The following ST3GAL3 variants were observed in gnomAD, a reference collection of about 807,000 sequenced individuals.
ST3GAL3 encodes ST3 beta-galactoside alpha-2,3-sialyltransferase 3.
A neutral mutation model predicts 50.1 loss-of-function variants in ST3GAL3; 21 were observed. The ratio of observed to expected loss-of-function variants is 0.42; its 90% confidence interval spans 0.30 to 0.60. The LOEUF (loss-of-function observed/expected upper bound fraction) is 0.60. ST3GAL3 is among the 20% of genes least tolerant of loss of function. The probability of loss-of-function intolerance (pLI) is 0.19; values close to 1 mark genes in which losing one functional copy is unlikely to be tolerated. For missense variants in ST3GAL3, 353 were observed against 489.4 expected, an observed-to-expected ratio of 0.72 and a Z score of 2.63; for synonymous variants, 183 against 190.0, an observed-to-expected ratio of 0.96 and a Z score of 0.30.
At chr1:43,756,186 T>G (rs1468243895) in intron 2 of ST3GAL3, among the ~76,000 whole-genome samples, 1 of 147,868 alleles carries the variant, frequency 6.8e-6, no homozygotes. Context: ...ACATAATAGA[T>G]AAATATCAAA....
intron 5 of ST3GAL3, chr1:43,850,650 T>C: frequency 1.4e-6 from 1 of 740,598 alleles, no homozygotes; most frequent in Non-Finnish European, 2.5e-6. Flanking sequence ...ATCTGTGCCT[T>C]TGATTGAATG....
intron 2 of ST3GAL3, chr1:43,771,980 A>G (rs1250245966): frequency 2.5e-6 from 1 of 397,260 alleles, no homozygotes; most frequent in Non-Finnish European, 4.4e-6. Context: ...AATAAGGGGG[A>G]ATATGAGAAG....
At chr1:43,784,181 T>C (rs1296218976) in intron 2 of ST3GAL3, among the ~76,000 whole-genome samples, 1 of 152,136 alleles carries the variant, frequency 6.6e-6, no homozygotes, top group Non-Finnish European at 1.5e-5. Context: ...CCTCCATATC[T>C]TCCCAGTTTC....
At chr1:43,790,203 T>C (rs1438212179) in intron 2 of ST3GAL3, among the ~76,000 whole-genome samples, 1 of 152,222 alleles carries the variant, frequency 6.6e-6, no homozygotes, top group African/African-American at 2.4e-5. Context: ...CAGCAAATAT[T>C]GAGTGCCAGG....
At chr1:43,859,413 G>A (rs1447049633) in intron 5 of ST3GAL3, among the ~76,000 whole-genome samples, 1 of 152,084 alleles carries the variant, frequency 6.6e-6, no homozygotes, top group African/African-American at 2.4e-5. Context: ...TACAAAATTA[G>A]CCTGGTGTGG....
At chr1:43,717,500 ATTT>A (rs200100476) in intron 1 of ST3GAL3, among the ~76,000 whole-genome samples, 1 of 141,982 alleles carries the variant, frequency 7.0e-6, no homozygotes. Flanking sequence ...TTCTTTTCTA[ATTT>A]TTTTTTTTTT....
At chr1:43,866,322 T>TA (rs2071314480) in intron 5 of ST3GAL3, among the ~76,000 whole-genome samples, 1 of 152,158 alleles carries the variant, frequency 6.6e-6, no homozygotes, top group African/African-American at 2.4e-5. Flanking sequence ...CTCACACCTG[T>TA]AATCCCTGCA....
Position 43,920,243 on chromosome 1 carries a change from T to C in ST3GAL3, c.745-161T>C, listed in dbSNP as rs972852109. 15 of 784,866 alleles carry C rather than the reference T, an allele frequency of 1.9e-5. No individual in the cohort carries two copies. The East Asian group carries it at 3.8e-4, about 20-fold the overall frequency. 48.6% of individuals were successfully genotyped at this position (784,866 alleles called of 1,614,324 possible). On this transcript the variant is annotated intron_variant, in intron 9 of 11. Transcript: ENST00000347631. ...CCCCTTGTCCCTGTCACACACTCCA[T>C]TTCCCCAAACACAGATGGGCTTCCT... is the stretch of plus-strand genomic sequence containing the variant.
rs1417014578 is a variant in ST3GAL3 at position 43,737,774 on chromosome 1, G to C, written c.118+1394G>C. ...AGGGTCTCCTTTTCCGCTAAGGGCT[G>C]CTGACCTGTAGAAGATATAACCAAG... On this transcript the variant is annotated intron_variant, in intron 2 of 11. Transcript: ENST00000347631. This position sits in a 1 kb window ranked among gnomAD's most constrained non-coding sequence, Gnocchi z 4.0. The C allele has an allele frequency of 1.3e-5, 2 of 152,188 alleles. No individual in the cohort carries two copies. The highest frequency in any genetic ancestry group is 2.9e-5 in the Non-Finnish European group (2 of 68,034). The allele number at this position is 152,188 out of a possible 1,614,324, so 9.4% of individuals were successfully genotyped here.
intron 2 of ST3GAL3, among the ~76,000 whole-genome samples, chr1:43,759,087 A>G (rs1689285573): frequency 6.6e-6 from 1 of 151,528 alleles, no homozygotes; most frequent in Non-Finnish European, 1.5e-5. Flanking sequence ...ACACACACAC[A>G]CACACACACA....
intron 2 of ST3GAL3, among the ~76,000 whole-genome samples, chr1:43,785,257 G>A (rs537506845): frequency 6.6e-6 from 1 of 152,312 alleles, no homozygotes; most frequent in African/African-American, 2.4e-5. Flanking sequence ...AAGCTAGATT[G>A]GAGAAGAAAG....
chr1:43,865,502 C>T (rs1019560590), intron 5 of ST3GAL3, among the ~76,000 whole-genome samples: 1 of 152,118 alleles, frequency 6.6e-6, no homozygotes, highest in African/African-American at 2.4e-5. Flanking sequence ...ATTTTATAAG[C>T]ATTTCCATAT....
At chr1:43,793,055 T>C (rs1326301079) in intron 3 of ST3GAL3, among the ~76,000 whole-genome samples, 1 of 152,080 alleles carries the variant, frequency 6.6e-6, no homozygotes, top group African/African-American at 2.4e-5. Context: ...AAAACAGCCA[T>C]GAGGGTCAGG....
intron 2 of ST3GAL3, among the ~76,000 whole-genome samples, chr1:43,749,304 A>C (rs1572071865): frequency 6.6e-6 from 1 of 152,236 alleles, no homozygotes; most frequent in Non-Finnish European, 1.5e-5. Context: ...AGAAATATTT[A>C]TCAATTGTAT....
chr1:43,788,107 T>C (rs1260583950), intron 2 of ST3GAL3, among the ~76,000 whole-genome samples: 1 of 152,256 alleles, frequency 6.6e-6, no homozygotes. Context: ...ACATGTTTAC[T>C]GTACAAATTT....
chr1:43,770,665 AG>A (rs1694808727), intron 2 of ST3GAL3, among the ~76,000 whole-genome samples: 1 of 152,064 alleles, frequency 6.6e-6, no homozygotes, highest in Non-Finnish European at 1.5e-5. Context: ...CAAGTAGCTG[AG>A]AGTACTACAG....
rs536764213 is a variant in ST3GAL3, at chr1:43,713,104, T to C, written c.-31+5411T>C. On this transcript the variant is annotated intron_variant, in intron 1 of 11. Transcript: ENST00000347631. Reference sequence around the variant, plus strand: ...CCTACTACACAAGAGTCATAAAATATTTATGCAGGATGAAGGTTAGAATGA... The same window carrying C: ...CCTACTACACAAGAGTCATAAAATACTTATGCAGGATGAAGGTTAGAATGA... Among the ~76,000 whole-genome samples the C allele has an allele frequency of 1.6e-4, 25 of 152,298 alleles. 1 individual carries two copies. In the South Asian group the frequency reaches 5.0e-3, roughly 30 times the overall value.
intron 3 of ST3GAL3, among the ~76,000 whole-genome samples, chr1:43,803,552 T>C (rs1254630467): frequency 6.6e-6 from 1 of 152,236 alleles, no homozygotes; most frequent in Non-Finnish European, 1.5e-5. Flanking sequence ...CTTTTAGTTC[T>C]GTTAATTTTG....
chr1:43,734,827 A>G (rs1358292627), intron 1 of ST3GAL3, among the ~76,000 whole-genome samples: 1 of 151,818 alleles, frequency 6.6e-6, no homozygotes. Flanking sequence ...TTTTTCTCTT[A>G]TGTCATTGTA....
Sources: allele counts gnomAD v4.1 joint callset (sites outside exome capture counted in the v4.1 genomes callset), GRCh38; gene constraint gnomAD v4.1.1; non-coding constraint Gnocchi (gnomAD v3.1); transcripts MANE v1.5; gene names NCBI Gene and HGNC (gene_info 2026-07-23, HGNC 2026-07-21).